Variants in RNF6 observed in about 807,000 individuals in gnomAD.
RNF6 encodes E3 ubiquitin-protein ligase RNF6.
In RNF6, 21 loss-of-function variants were observed where a neutral mutation model predicts 50.1. The ratio of observed to expected loss-of-function variants is 0.42; its 90% confidence interval spans 0.30 to 0.60. RNF6 has a LOEUF of 0.60. RNF6 is among the 20% of genes least tolerant of loss of function. The pLI is 0.20. For missense variants in RNF6, 698 were observed against 838.2 expected (o/e 0.83, Z 2.07); for synonymous variants, 255 against 291.8 (o/e 0.87, Z 1.29).
In RNF6 at chr13:26,214,039, A is replaced by G. The variant is rs374100325; in HGVS notation, c.1843T>C (p.Ser615Pro). The part of the protein sequence containing the change: ...GLTKEQIDNL[S>P]TRHYEHNSID... The stretch of plus-strand genomic sequence containing the variant: ...CTGTTATGCTCATAGTGCCTGGTGG[A>G]AAGATTGTCAATCTGCTCTTTGGTT... The change falls in exon 5 of 5, where the codon TCC (serine) becomes CCC (proline). Residue 615 changes from serine to proline, a missense_variant. By Grantham distance (74) the Ser-to-Pro change is moderately conservative. Coordinates refer to ENST00000381588, the MANE Select transcript of RNF6 (RefSeq NM_005977.4). 2.5e-6 allele frequency: 4 copies of G among 1,614,092 alleles called. No individual in the cohort carries two copies. In the African/African-American group the frequency reaches 4.0e-5, roughly 16 times the overall value.
rs541515735 is a variant in RNF6, at chr13:26,195,552, C to A, written n.768+19922G>T. On this transcript the variant is annotated intron_variant and non_coding_transcript_variant, in intron 5 of 5. Coordinates refer to the RNF6 transcript ENST00000468480. ...ACAGCTCCTGGAATCTCAGAGAACA[C>A]CAAGCAGGATAAATGCCAAACACAA... Among the ~76,000 whole-genome samples the A allele has an allele frequency of 9.2e-5, 14 of 152,184 alleles. No individual in the cohort carries two copies. In the South Asian group the frequency reaches 2.9e-3, roughly 32 times the overall value.
At chr13:26,170,632 T>A (rs1450360353) in intron 5 of RNF6, among the ~76,000 whole-genome samples, 1 of 152,184 alleles carries the variant, frequency 6.6e-6, no homozygotes, top group African/African-American at 2.4e-5. Flanking sequence ...AGAGGGAAAG[T>A]TGCTGGTAAC....
chr13:26,154,736 G>A (rs922527532), intron 5 of RNF6, among the ~76,000 whole-genome samples: 3 of 151,976 alleles, frequency 2.0e-5, no homozygotes, highest in African/African-American at 4.8e-5. Flanking sequence ...TAATACTTAC[G>A]ACAAAACTCC....
At chr13:26,207,470 A>G (rs12874929) in intron 5 of RNF6, among the ~76,000 whole-genome samples, 29,809 of 152,074 alleles carry the variant, frequency 0.2, 3,405 homozygotes, top group East Asian at 0.4. Flanking sequence ...TGATGGCAAG[A>G]ATCTATGTGA....
chr13:26,132,479 A>C (rs1434602485), intron 5 of RNF6: 2 of 456,970 alleles, frequency 4.4e-6, no homozygotes, highest in Admixed American at 2.4e-5. Flanking sequence ...AGAGAGAAAA[A>C]TAAAAGTAGA....
intron 3 of RNF6, chr13:26,219,160 T>A (rs755725284): frequency 1.4e-4 from 30 of 215,114 alleles, no homozygotes; most frequent in Non-Finnish European, 2.0e-4. Flanking sequence ...ATTTTATTTG[T>A]ATAAAAATTA....
At chr13:26,172,852 T>C (rs558686850) in intron 5 of RNF6, among the ~76,000 whole-genome samples, 11 of 152,252 alleles carry the variant, frequency 7.2e-5, no homozygotes, top group Admixed American at 7.2e-4. Flanking sequence ...CTAGAATATA[T>C]CTTTACTGTA....
chr13:26,210,773 G>C (rs1473674081), downstream of RNF6, among the ~76,000 whole-genome samples: 1 of 152,174 alleles, frequency 6.6e-6, no homozygotes. Context: ...ACTTCAAGGA[G>C]AGCTTCAGAG....
intron 5 of RNF6, among the ~76,000 whole-genome samples, chr13:26,139,442 C>G (rs1055082296): frequency 6.6e-6 from 1 of 152,064 alleles, no homozygotes; most frequent in African/African-American, 2.4e-5. Context: ...GTGGCATGCC[C>G]TCTCTCTCAG....
chr13:26,169,089 T>G (rs1487971055), intron 5 of RNF6, among the ~76,000 whole-genome samples: 1 of 152,118 alleles, frequency 6.6e-6, no homozygotes, highest in South Asian at 2.1e-4. Flanking sequence ...AAGGCTGCAC[T>G]CCCAGCCACA....
At chr13:26,164,511 T>C (rs887952845) in intron 5 of RNF6, among the ~76,000 whole-genome samples, 1 of 152,234 alleles carries the variant, frequency 6.6e-6, no homozygotes, top group Non-Finnish European at 1.5e-5. Context: ...TTTCTAAGAC[T>C]TATTTGTTCC....
intron 5 of RNF6, among the ~76,000 whole-genome samples, chr13:26,153,476 T>A (rs1221982154): frequency 6.6e-6 from 1 of 152,134 alleles, no homozygotes; most frequent in African/African-American, 2.4e-5. Flanking sequence ...CCTCCCAAAG[T>A]TCTGGGATTC....
At chr13:26,191,679 CTG>C (rs1868464617) in intron 5 of RNF6, among the ~76,000 whole-genome samples, 1 of 152,212 alleles carries the variant, frequency 6.6e-6, no homozygotes, top group Admixed American at 6.5e-5. Flanking sequence ...TCCACCATGA[CTG>C]TGAGTTTCCT....
intron 5 of RNF6, among the ~76,000 whole-genome samples, chr13:26,158,930 C>T (rs1192242863): frequency 2.0e-5 from 3 of 152,030 alleles, no homozygotes; most frequent in Non-Finnish European, 4.4e-5. Context: ...TGATCTGGAA[C>T]CTTGTGTAAC....
chr13:26,198,420 C>T (rs1265041776), intron 5 of RNF6, among the ~76,000 whole-genome samples: 1 of 149,860 alleles, frequency 6.7e-6, no homozygotes, highest in Non-Finnish European at 1.5e-5. Context: ...ATGCTAATCT[C>T]ATCCAAAAAA....
chr13:26,206,309 C>A (rs1869106650), intron 5 of RNF6, among the ~76,000 whole-genome samples: 1 of 152,110 alleles, frequency 6.6e-6, no homozygotes. Context: ...ATCTGCCTGG[C>A]AGGGTGGCAC....
chr13:26,183,212 A>C (rs1404765938), intron 5 of RNF6, among the ~76,000 whole-genome samples: 1 of 152,242 alleles, frequency 6.6e-6, no homozygotes, highest in Non-Finnish European at 1.5e-5. Context: ...GCAAAACTAC[A>C]ATAGTATCAT....
intron 5 of RNF6, among the ~76,000 whole-genome samples, chr13:26,174,887 C>T (rs1435357229): frequency 6.6e-6 from 1 of 152,182 alleles, no homozygotes; most frequent in Admixed American, 6.5e-5. Context: ...ACTCACTCAC[C>T]AGTCAGAGTG....
At chr13:26,186,764 CT>C (rs1873563760) in intron 5 of RNF6, among the ~76,000 whole-genome samples, 2 of 83,996 alleles carry the variant, frequency 2.4e-5, no homozygotes, top group Non-Finnish European at 5.0e-5. Flanking sequence ...CGTCAGGGAC[CT>C]TTCTTCTTCT....
Sources: gnomAD v4.1 joint callset for allele counts (sites outside exome capture counted in the v4.1 genomes callset) on GRCh38, gnomAD v4.1.1 for gene constraint, MANE v1.5 for transcripts, NCBI Gene and HGNC (gene_info 2026-07-23, HGNC 2026-07-21) for gene names.